CACNA2D1: variants seen among roughly 807,000 people sequenced by gnomAD.
CACNA2D1 encodes the protein voltage-dependent calcium channel subunit alpha-2/delta-1.
CACNA2D1 carries 53 observed loss-of-function variants against 171.5 expected under a neutral mutation model. The ratio of observed to expected loss-of-function variants is 0.31; its 90% CI spans 0.25 to 0.39. The LOEUF is 0.39. Among genes scored for constraint, CACNA2D1 ranks in the 10% least tolerant of loss-of-function variants. The pLI, the probability that CACNA2D1 is intolerant of heterozygous loss-of-function variation, is 1.00. For missense variants in CACNA2D1, 903 were observed against 1,299.8 expected (o/e 0.69, Z 4.69); for synonymous variants, 442 against 443.1 (o/e 1.00, Z 0.03).
chr7:82,129,636 ATGT>A (rs532016681), intron 5 of CACNA2D1, among the ~76,000 whole-genome samples: 1 of 152,136 alleles, frequency 6.6e-6, no homozygotes, highest in Non-Finnish European at 1.5e-5. Flanking sequence ...CATATATTCA[ATGT>A]TGTTTTTCTG....
chr7:82,040,293 G>C (rs1803777119), intron 10 of CACNA2D1, among the ~76,000 whole-genome samples: 1 of 152,100 alleles, frequency 6.6e-6, no homozygotes, highest in African/African-American at 2.4e-5. Flanking sequence ...GGACTGGAGG[G>C]ATGACTGGTT....
chr7:81,999,576 T>C (rs570130388), intron 18 of CACNA2D1, among the ~76,000 whole-genome samples: 13 of 152,280 alleles, frequency 8.5e-5, no homozygotes, highest in African/African-American at 3.1e-4. Flanking sequence ...TCTTGTGTGG[T>C]TGCTAGTTTG....
chr7:82,289,390 C>G (rs1014484980), intron 3 of CACNA2D1, among the ~76,000 whole-genome samples: 2 of 152,052 alleles, frequency 1.3e-5, no homozygotes, highest in African/African-American at 4.8e-5. Context: ...ATACAATGAA[C>G]AAGATGAATT....
At chr7:82,357,034 T>C (rs867052085) in intron 1 of CACNA2D1, among the ~76,000 whole-genome samples, 55 of 152,270 alleles carry the variant, frequency 3.6e-4, no homozygotes, top group African/African-American at 1.3e-3. Context: ...AGGCAAATAT[T>C]TTATTGAATA....
At chr7:82,368,728 C>A (rs1335536447) in intron 1 of CACNA2D1, among the ~76,000 whole-genome samples, 6 of 152,110 alleles carry the variant, frequency 3.9e-5, no homozygotes, top group South Asian at 2.1e-4. Flanking sequence ...CATATTCCTC[C>A]TTTTTCAGAA....
intron 1 of CACNA2D1, among the ~76,000 whole-genome samples, chr7:82,370,572 T>TGGATGGATGGATGGATGGATGGATGGAC (rs35737652): frequency 5.3e-5 from 8 of 151,056 alleles, no homozygotes; most frequent in Non-Finnish European, 8.9e-5. Flanking sequence ...GATGGATGGA[T>TGGATGGATGGATGGATGGATGGATGGAC]GGATGGATAG....
chr7:82,076,617 T>TA (rs745354784), intron 7 of CACNA2D1, among the ~76,000 whole-genome samples: 5 of 152,130 alleles, frequency 3.3e-5, no homozygotes, highest in Non-Finnish European at 7.4e-5. Flanking sequence ...ATCTGACCAT[T>TA]AAAATAGCAT....
intron 4 of CACNA2D1, among the ~76,000 whole-genome samples, chr7:82,150,282 C>A (rs10242220): frequency 0.62 from 62,676 of 101,278 alleles, 18,226 homozygotes; most frequent in African/African-American, 0.7. Flanking sequence ...AAAACAACAA[C>A]AAAAAAAAAC....
At chr7:82,050,434 CAGG>C (rs1371515657) in intron 10 of CACNA2D1, 4 of 600,696 alleles carry the variant, frequency 6.7e-6, no homozygotes, top group South Asian at 4.1e-5. Context: ...CACAGGATGA[CAGG>C]AGGACAGCCA....
intron 3 of CACNA2D1, among the ~76,000 whole-genome samples, chr7:82,272,224 T>C (rs1808726021): frequency 6.6e-6 from 1 of 152,182 alleles, no homozygotes; most frequent in Non-Finnish European, 1.5e-5. Flanking sequence ...TATTGGAATA[T>C]ATGACAAAAA....
At chr7:81,999,291 C>T (rs1208100779) in intron 18 of CACNA2D1, among the ~76,000 whole-genome samples, 1 of 152,126 alleles carries the variant, frequency 6.6e-6, no homozygotes, top group Non-Finnish European at 1.5e-5. Context: ...TCACCACGGG[C>T]ATGGTGACTA....
At chr7:82,427,371 T>C (rs983611618) in intron 1 of CACNA2D1, among the ~76,000 whole-genome samples, 3 of 152,200 alleles carry the variant, frequency 2.0e-5, no homozygotes, top group Non-Finnish European at 4.4e-5. Flanking sequence ...GATACATGAA[T>C]GACAATTCTG....
intron 12 of CACNA2D1, chr7:82,023,956 A>C (rs1801572526): frequency 6.6e-6 from 1 of 151,770 alleles, no homozygotes; most frequent in South Asian, 2.1e-4. Context: ...CAATGTCTTC[A>C]AGGTTCATCC....
chr7:82,171,108 C>T lies in CACNA2D1; in HGVS notation c.295-499G>A, dbSNP rs559242091. Among the ~76,000 whole-genome samples, 15 of 152,090 alleles carry T rather than the reference C, an allele frequency of 9.9e-5. No individual in the cohort carries two copies. The South Asian group carries it at 3.1e-3, about 32-fold the overall frequency. Reference sequence around the variant, plus strand: ...AAATAACTTCCCCTTTGATGAAGTACATCTTTAGTAGTTCTTTCAGCGATA... The same window carrying T: ...AAATAACTTCCCCTTTGATGAAGTATATCTTTAGTAGTTCTTTCAGCGATA... On this transcript the variant is annotated intron_variant, in intron 3 of 38. Transcript: ENST00000356860.
chr7:81,975,621 T>C (rs927609921), intron 24 of CACNA2D1, among the ~76,000 whole-genome samples: 7 of 152,196 alleles, frequency 4.6e-5, no homozygotes. Flanking sequence ...TTCTGTTACA[T>C]TAAAATTCCA....
At chr7:82,382,450 TC>T (rs1381030928) in intron 1 of CACNA2D1, among the ~76,000 whole-genome samples, 1 of 152,188 alleles carries the variant, frequency 6.6e-6, no homozygotes, top group African/African-American at 2.4e-5. Context: ...TCTTGGGCTG[TC>T]CCATTCACTT....
chr7:82,396,875 C>T (rs947836461), intron 1 of CACNA2D1, among the ~76,000 whole-genome samples: 19 of 152,198 alleles, frequency 1.2e-4, no homozygotes, highest in African/African-American at 4.6e-4. Context: ...ACTAAGGTTC[C>T]TTTCCATTCA....
chr7:82,157,815 T>C (rs1195916188), intron 4 of CACNA2D1, among the ~76,000 whole-genome samples: 1 of 151,952 alleles, frequency 6.6e-6, no homozygotes, highest in Non-Finnish European at 1.5e-5. Context: ...CCCAAAATGC[T>C]CAGAACATAA....
intron 3 of CACNA2D1, among the ~76,000 whole-genome samples, chr7:82,294,576 G>C (rs1812040068): frequency 6.6e-6 from 1 of 152,036 alleles, no homozygotes; most frequent in Admixed American, 6.6e-5. Context: ...TTAATGATAA[G>C]TCATGTCATT....
Sources: gnomAD v4.1 joint callset for allele counts (sites outside exome capture counted in the v4.1 genomes callset) on GRCh38, gnomAD v4.1.1 for gene constraint, MANE v1.5 for transcripts, NCBI Gene and HGNC (gene_info 2026-07-23, HGNC 2026-07-21) for gene names.